CHD7: variants seen among roughly 807,000 people sequenced by gnomAD.
CHD7 encodes the protein ATP-dependent chromatin remodeler CHD7.
In CHD7, 24 loss-of-function variants were observed where a neutral mutation model predicts 307.3. The ratio of observed to expected loss-of-function variants is 0.08; its 90% CI spans 0.06 to 0.11. The LOEUF is 0.11. Among genes scored for constraint, CHD7 ranks in the 10% least tolerant of loss-of-function variants. CHD7 has a pLI of 1.00. For missense variants in CHD7, 3,106 were observed against 3,727.1 expected (o/e 0.83, Z 4.34); for synonymous variants, 1,363 against 1,349.9 (o/e 1.01, Z -0.21).
In CHD7 at chr8:60,741,973, G is replaced by A; in HGVS notation, c.541G>A (p.Gly181Ser). 6.2e-7 allele frequency: 1 copy of A among 1,613,742 alleles called. No homozygotes were observed. Residue 181 changes from glycine (G) to serine (S), a missense_variant, in exon 2 of 38, where the codon GGC becomes AGC. Physicochemically the swap from Gly to Ser is moderately conservative, Grantham distance 56 (BLOSUM62 0). Coordinates refer to ENST00000423902, the MANE Select transcript of CHD7 (RefSeq NM_017780.4). ...GGCTCCGTCGGGGCCCCCTGCACAG[G>A]GCCACCCTCAGCACATGCAGCAGAT... is the stretch of plus-strand genomic sequence containing the variant. The part of the protein sequence containing the change: ...QPAPSGPPAQ[G>S]HPQHMQQMGS...
intron 3 of CHD7, among the ~76,000 whole-genome samples, chr8:60,789,526 C>G (rs1454822611): frequency 6.6e-6 from 1 of 152,220 alleles, no homozygotes; most frequent in Non-Finnish European, 1.5e-5. Context: ...TCCAGACATT[C>G]TCATTAGCTG....
intron 1 of CHD7, among the ~76,000 whole-genome samples, chr8:60,696,260 G>C (rs773360944): frequency 6.6e-6 from 1 of 152,184 alleles, no homozygotes; most frequent in Admixed American, 6.5e-5. Flanking sequence ...CATAAGAAAA[G>C]ACTAGGGGAA....
chr8:60,682,337 G>A (rs755246768), intron 1 of CHD7, among the ~76,000 whole-genome samples: 14 of 152,154 alleles, frequency 9.2e-5, no homozygotes, highest in Non-Finnish European at 1.9e-4. Flanking sequence ...TAACATCAAG[G>A]AAATGTTACA....
At chr8:60,730,893 C>G (rs1222141609) in intron 1 of CHD7, among the ~76,000 whole-genome samples, 1 of 151,968 alleles carries the variant, frequency 6.6e-6, no homozygotes, top group Non-Finnish European at 1.5e-5. Flanking sequence ...ATGGAAAATT[C>G]CAGAAATAAC....
intron 34 of CHD7, 45 bp downstream of exon 34, chr8:60,856,933 G>A (rs751816004): frequency 1.3e-6 from 2 of 1,493,776 alleles, no homozygotes; most frequent in Non-Finnish European, 1.8e-6. Context: ...CGTGTTGACA[G>A]CTGAGGGTCC....
intron 1 of CHD7, among the ~76,000 whole-genome samples, chr8:60,738,736 C>T (rs535157297): frequency 2.0e-5 from 3 of 152,196 alleles, no homozygotes; most frequent in East Asian, 1.9e-4. Flanking sequence ...TCCCAGTGAG[C>T]GGTCACTAAT....
intron 2 of CHD7, among the ~76,000 whole-genome samples, chr8:60,759,720 C>T (rs950423295): frequency 2.0e-4 from 30 of 152,220 alleles, no homozygotes; most frequent in African/African-American, 7.0e-4. Context: ...TTACTCATGT[C>T]TCTAGTATGG....
At chr8:60,823,791 A>G in intron 12 of CHD7, 49 bp from the exon 13 acceptor site, 2 of 1,461,516 alleles carry the variant, frequency 1.4e-6, no homozygotes, top group Non-Finnish European at 1.9e-6. Context: ...CCTTAAAGTT[A>G]TTTATGTAAC....
intron 2 of CHD7, among the ~76,000 whole-genome samples, chr8:60,765,956 A>G (rs1333770800): frequency 1.3e-5 from 2 of 152,254 alleles, no homozygotes; most frequent in Non-Finnish European, 2.9e-5. Flanking sequence ...CGAGGGAAGA[A>G]TGGTCAGTGA....
chr8:60,757,103 T>TA (rs1469713050), intron 2 of CHD7, among the ~76,000 whole-genome samples: 3 of 152,174 alleles, frequency 2.0e-5, no homozygotes, highest in Non-Finnish European at 4.4e-5. Flanking sequence ...ATTGGGGCCT[T>TA]AAAAAATGAC....
intron 21 of CHD7, among the ~76,000 whole-genome samples, chr8:60,844,037 AGC>A (rs1204148318): frequency 3.3e-5 from 5 of 152,326 alleles, no homozygotes; most frequent in Admixed American, 3.3e-4. Flanking sequence ...TCATACCATG[AGC>A]ACTGCCTTGG....
chr8:60,824,964 G>C (rs1441684420), intron 13 of CHD7: 2 of 152,122 alleles, frequency 1.3e-5, no homozygotes, highest in Admixed American at 1.3e-4. Context: ...TAGTGGTTAT[G>C]ATCACTTATA....
chr8:60,734,788 GCCTTCAAGCATGCTGGAGCAT>G (rs1383270084), intron 1 of CHD7, among the ~76,000 whole-genome samples: 1 of 152,186 alleles, frequency 6.6e-6, no homozygotes, highest in East Asian at 1.9e-4. Context: ...GATTATTAGT[GCCTTCAAGCATGCTGGAGCAT>G]TTGGACTGGA....
At chr8:60,680,165 AC>A (rs1477248609) in intron 1 of CHD7, among the ~76,000 whole-genome samples, 1 of 151,394 alleles carries the variant, frequency 6.6e-6, no homozygotes, top group African/African-American at 2.4e-5. Context: ...CCCCGAGGTG[AC>A]CCGGGTGCGC....
intron 7 of CHD7, among the ~76,000 whole-genome samples, chr8:60,811,665 T>G (rs773198019): frequency 6.6e-6 from 1 of 152,176 alleles, no homozygotes; most frequent in Non-Finnish European, 1.5e-5. Context: ...TATTTTCAAA[T>G]TATTGGAGGC....
intron 1 of CHD7, among the ~76,000 whole-genome samples, chr8:60,736,269 G>C (rs1185467472): frequency 6.6e-6 from 1 of 152,164 alleles, no homozygotes; most frequent in Non-Finnish European, 1.5e-5. Context: ...ATGTTCCCAA[G>C]TGGCTGTTGG....
intron 2 of CHD7, among the ~76,000 whole-genome samples, chr8:60,758,991 T>C (rs955537023): frequency 2.6e-5 from 4 of 152,216 alleles, no homozygotes; most frequent in African/African-American, 9.6e-5. Flanking sequence ...TTGATTGTGC[T>C]TGCACCACTG....
chr8:60,838,707 T>C (rs1167477763), intron 19 of CHD7, among the ~76,000 whole-genome samples: 3 of 152,248 alleles, frequency 2.0e-5, no homozygotes, highest in Non-Finnish European at 4.4e-5. Context: ...CGTAATCTAC[T>C]GCAGCCTCTA....
rs116551454 is a variant in CHD7, at chr8:60,706,195, G to A, written c.-175+27113G>A. Among the ~76,000 whole-genome samples the A allele has an allele frequency of 5.1e-3, 781 of 152,164 alleles. 10 individuals are homozygous for A. Among genetic ancestry groups the A allele is most frequent in the African/African-American group, 0.018 (727 of 41,504 alleles). ...TTGGATCTGATTGCTGTTGAGTGAT[G>A]TAGCAAGCTTGCTGATTCATATTTT... On this transcript the variant is annotated intron_variant, in intron 1 of 37. Transcript: ENST00000423902.
Sources: allele counts gnomAD v4.1 joint callset (sites outside exome capture counted in the v4.1 genomes callset), GRCh38; gene constraint gnomAD v4.1.1; transcripts MANE v1.5; gene names NCBI Gene and HGNC (gene_info 2026-07-23, HGNC 2026-07-21).